The following PRSS55 variants were observed in gnomAD, a reference collection of about 807,000 sequenced individuals.
PRSS55 encodes probable serine protease UNQ9391/PRO34284.
Under a neutral mutation model 23.6 loss-of-function variants are expected in PRSS55, and 41 were observed. The observed-to-expected ratio is 1.74, with a 90% CI of 1.35 to 2.26. The LOEUF (loss-of-function observed/expected upper bound fraction) is 2.26. Among genes scored for constraint, PRSS55 ranks in the 30% most tolerant of loss-of-function variants. The pLI is 0.00. For synonymous variants in PRSS55, 262 were observed against 175.5 expected (o/e 1.49, Z -3.90); for missense variants, 669 against 439.1 (o/e 1.52, Z -4.68).
At position 10,531,270 on chromosome 8, in the gene PRSS55, C is replaced by G. The variant is rs1202003909; in HGVS notation, c.348-25C>G. The G allele has an allele frequency of 1.1e-5, 17 of 1,611,098 alleles. No homozygotes were observed. In the Admixed American group the frequency reaches 2.3e-4, roughly 22 times the overall value. On this transcript the variant is annotated intron_variant, in intron 2 of 4. Coordinates refer to ENST00000328655, the MANE Select transcript of PRSS55 (RefSeq NM_198464.4). Reference sequence around the variant, plus strand: ...GAGACTTCCCTTCCCCTTCCACTTGCCCCTCTCTGGTTCTCTGCCACCAGT... The same window carrying G: ...GAGACTTCCCTTCCCCTTCCACTTGGCCCTCTCTGGTTCTCTGCCACCAGT...
intron 4 of PRSS55, among the ~76,000 whole-genome samples, chr8:10,537,279 G>C (rs75992331): frequency 5.3e-5 from 8 of 152,050 alleles, no homozygotes; most frequent in Non-Finnish European, 1.0e-4. Context: ...TATACACGAC[G>C]GAATATTATT....
In PRSS55 at chr8:10,538,708, CG is replaced by C. The variant is rs778686104; in HGVS notation, c.977del (p.Gly326GlufsTer?). 1.9e-6 allele frequency: 3 copies of C among 1,613,942 alleles called. No individual in the cohort carries two copies. In the South Asian group the frequency reaches 3.3e-5, roughly 18 times the overall value. The stretch of plus-strand genomic sequence containing the variant: ...CAGAAACCTATGGGCTCCCCAGTCT[CG>C]GGAGTCCCAGAGCCAGGCAGCCCCA... ...VKQKPMGSPV[S>X]GVPEPGSPRS... On this transcript the variant is annotated frameshift_variant, in exon 5 of 5. Transcript: ENST00000328655. LOFTEE classifies it low-confidence loss of function (END_TRUNC).
downstream of PRSS55, chr8:10,541,179 A>G (rs1307367671): frequency 6.6e-6 from 1 of 152,266 alleles, no homozygotes; most frequent in African/African-American, 2.4e-5. Context: ...GACTCCCAAC[A>G]TGGTAGGGTG....
chr8:10,531,262 T>A (rs552195996), intron 2 of PRSS55, 33 bp from the exon 3 acceptor site: 1 of 1,610,100 alleles, frequency 6.2e-7, no homozygotes, highest in African/African-American at 1.3e-5. Flanking sequence ...CCCTTCCCCT[T>A]CCACTTGCCC....
At chr8:10,550,560 G>C (rs6601485) in intron 4 of PRSS55, among the ~76,000 whole-genome samples, 42,022 of 152,050 alleles carry the variant, frequency 0.28, 5,991 homozygotes, top group Middle Eastern at 0.33. Flanking sequence ...TTGTTGAGTT[G>C]ACTGGAGAAA....
At chr8:10,543,449 T>A (rs868471982), downstream of PRSS55, among the ~76,000 whole-genome samples, 11 of 24,538 alleles carry the variant, frequency 4.5e-4, 1 homozygote, top group Non-Finnish European at 1.0e-3. Context: ...CCTTCCATCC[T>A]TCCTTCCTTC....
At chr8:10,532,682 T>C (rs956390074) in intron 3 of PRSS55, among the ~76,000 whole-genome samples, 4 of 152,052 alleles carry the variant, frequency 2.6e-5, no homozygotes, top group Non-Finnish European at 4.4e-5. Flanking sequence ...GGAGTAGAAA[T>C]TTGGTTTTGA....
Position 10,538,692 on chromosome 8 carries a change from A to G in PRSS55, c.958A>G (p.Met320Val), listed in dbSNP as rs1812545609. 1.2e-6 allele frequency: 2 copies of G among 1,614,172 alleles called. No individual in the cohort carries two copies. Among genetic ancestry groups the G allele is most frequent in the Admixed American group, 3.3e-5 (2 of 60,034 alleles). ...KRRTSVKQKP[M>V]GSPVSGVPEP... Reference sequence around the variant, plus strand: ...GAGGACTTCTGTCAAACAGAAACCTATGGGCTCCCCAGTCTCGGGAGTCCC... The same window carrying G: ...GAGGACTTCTGTCAAACAGAAACCTGTGGGCTCCCCAGTCTCGGGAGTCCC... The change falls in exon 5 of 5, where the codon ATG becomes GTG. Residue 320 changes from methionine (M) to valine (V), a missense_variant. Met to Val is a conservative substitution (Grantham distance 21). Coordinates refer to ENST00000328655, the MANE Select transcript of PRSS55 (RefSeq NM_198464.4).
At chr8:10,539,718 C>T (rs553753473), downstream of PRSS55, among the ~76,000 whole-genome samples, 1 of 152,284 alleles carries the variant, frequency 6.6e-6, no homozygotes, top group South Asian at 2.1e-4. Flanking sequence ...TCTCTCTTGC[C>T]TGCTGCCATG....
At chr8:10,553,572 C>G (rs1388655686) in intron 4 of PRSS55, among the ~76,000 whole-genome samples, 1 of 152,164 alleles carries the variant, frequency 6.6e-6, no homozygotes, top group Non-Finnish European at 1.5e-5. Context: ...TGCATTATCT[C>G]ACTTACATAT....
intron 4 of PRSS55, among the ~76,000 whole-genome samples, chr8:10,548,569 C>G (rs1457813727): frequency 6.6e-6 from 1 of 152,178 alleles, no homozygotes; most frequent in Non-Finnish European, 1.5e-5. Flanking sequence ...ACTTTGGACC[C>G]TTTCCTTCCT....
intron 2 of PRSS55, among the ~76,000 whole-genome samples, chr8:10,530,463 G>C (rs772083363): frequency 6.6e-6 from 1 of 152,188 alleles, no homozygotes; most frequent in African/African-American, 2.4e-5. Flanking sequence ...GCGACAGAGC[G>C]AAACTCCATC....
chr8:10,526,054 T>A (rs1437790563), intron 1 of PRSS55, among the ~76,000 whole-genome samples: 1 of 152,086 alleles, frequency 6.6e-6, no homozygotes, highest in African/African-American at 2.4e-5. Context: ...GTGGCTCCCA[T>A]CAGCACCAGG....
chr8:10,539,662 G>T (rs1812587158), downstream of PRSS55, among the ~76,000 whole-genome samples: 1 of 152,184 alleles, frequency 6.6e-6, no homozygotes, highest in African/African-American at 2.4e-5. Context: ...AGTCTCACGA[G>T]ATCTGATGGT....
At chr8:10,528,292 G>T (rs111662776) in intron 1 of PRSS55, among the ~76,000 whole-genome samples, 2 of 151,482 alleles carry the variant, frequency 1.3e-5, no homozygotes, top group African/African-American at 4.9e-5. Flanking sequence ...TCTCACTCCC[G>T]TATTTTTTTA....
At chr8:10,528,748 TGTG>T (rs1167523623) in intron 1 of PRSS55, among the ~76,000 whole-genome samples, 2 of 152,338 alleles carry the variant, frequency 1.3e-5, no homozygotes, top group Non-Finnish European at 2.9e-5. Flanking sequence ...CCTACAGTAC[TGTG>T]GGACAGAGCT....
At chr8:10,536,316 A>T (rs1812451389) in intron 4 of PRSS55, among the ~76,000 whole-genome samples, 1 of 152,270 alleles carries the variant, frequency 6.6e-6, no homozygotes, top group African/African-American at 2.4e-5. Context: ...ACAATGAGAT[A>T]TCATCCCATA....
At chr8:10,537,063 G>T (rs556270838) in intron 4 of PRSS55, among the ~76,000 whole-genome samples, 20 of 152,264 alleles carry the variant, frequency 1.3e-4, no homozygotes, top group African/African-American at 4.8e-4. Context: ...TGGGTTACAG[G>T]ATGGAGGGTA....
chr8:10,550,701 G>C (rs1001484246), intron 4 of PRSS55, among the ~76,000 whole-genome samples: 3 of 152,132 alleles, frequency 2.0e-5, no homozygotes, highest in Non-Finnish European at 2.9e-5. Flanking sequence ...GTTACCCTGC[G>C]ATGTGTTACC....
Sources: allele counts gnomAD v4.1 joint callset (sites outside exome capture counted in the v4.1 genomes callset), GRCh38; gene constraint gnomAD v4.1.1; transcripts MANE v1.5; gene names NCBI Gene and HGNC (gene_info 2026-07-23, HGNC 2026-07-21).